The following CALCR variants were observed in gnomAD, a reference collection of about 807,000 sequenced individuals.
CALCR encodes calcitonin receptor.
Under a neutral mutation model 59.5 loss-of-function variants are expected in CALCR, and 47 were observed. That is an observed-to-expected ratio of 0.79 (90% CI 0.63 to 1.01). The LOEUF (loss-of-function observed/expected upper bound fraction) is 1.01. CALCR is among the 50% of genes least tolerant of loss of function. The pLI is 0.00. For synonymous variants in CALCR, 213 were observed against 211.3 expected (o/e 1.01, Z -0.07); for missense variants, 566 against 597.1 (o/e 0.95, Z 0.54).
At chr7:93,496,848 C>A (rs533859843) in intron 2 of CALCR, among the ~76,000 whole-genome samples, 1 of 151,714 alleles carries the variant, frequency 6.6e-6, no homozygotes, top group Admixed American at 6.6e-5. Flanking sequence ...AGTGAATAAG[C>A]AAATGAATTT....
chr7:93,460,593 G>GTGTATATATATATATATATATATATA (rs1296016997), intron 8 of CALCR, among the ~76,000 whole-genome samples: 5 of 89,358 alleles, frequency 5.6e-5, no homozygotes, highest in African/African-American at 2.7e-4. Context: ...ATATATATAT[G>GTGTATATATATATATATATATATATA]TATATATATA....
At chr7:93,506,352 A>G (rs1466781472) in intron 2 of CALCR, among the ~76,000 whole-genome samples, 2 of 152,156 alleles carry the variant, frequency 1.3e-5, no homozygotes, top group Admixed American at 6.5e-5. Context: ...GACCAATTTC[A>G]TGGTTTCTCA....
At chr7:93,564,170 C>T (rs1427585421) in intron 2 of CALCR, among the ~76,000 whole-genome samples, 1 of 151,922 alleles carries the variant, frequency 6.6e-6, no homozygotes, top group South Asian at 2.1e-4. Context: ...AGATTATATT[C>T]CAATCAGTGC....
At chr7:93,486,850 C>G in intron 3 of CALCR, 81 bp downstream of exon 3, 1 of 881,382 alleles carries the variant, frequency 1.1e-6, no homozygotes, top group Non-Finnish European at 1.9e-6. Context: ...CTTGCAAATA[C>G]TAATTAAATC....
chr7:93,572,490 C>T (rs1024023340), intron 2 of CALCR, among the ~76,000 whole-genome samples: 1 of 152,218 alleles, frequency 6.6e-6, no homozygotes, highest in African/African-American at 2.4e-5. Flanking sequence ...ATTTGCAGCC[C>T]GAGTTGAGAA....
intron 2 of CALCR, among the ~76,000 whole-genome samples, chr7:93,510,020 GAT>G (rs1246959743): frequency 1.4e-5 from 2 of 147,676 alleles, no homozygotes; most frequent in Non-Finnish European, 3.0e-5. Flanking sequence ...GATTTGGAGT[GAT>G]CTATATCTTT....
intron 2 of CALCR, among the ~76,000 whole-genome samples, chr7:93,508,173 G>A (rs1401950374): frequency 3.9e-5 from 6 of 152,134 alleles, no homozygotes; most frequent in Non-Finnish European, 8.8e-5. Flanking sequence ...AGAAAAATAA[G>A]TGTGCACTTA....
chr7:93,549,490 C>T (rs12154667), intron 2 of CALCR, among the ~76,000 whole-genome samples: 57,799 of 151,876 alleles, frequency 0.38, 12,138 homozygotes, highest in Non-Finnish European at 0.48. Context: ...TAGGAAGTTG[C>T]TGTTAAATAA....
chr7:93,478,636 A>AATATATATATAT (rs10543619), intron 4 of CALCR, among the ~76,000 whole-genome samples: 1 of 147,476 alleles, frequency 6.8e-6, no homozygotes, highest in African/African-American at 2.5e-5. Context: ...CCCTGTCTTA[A>AATATATATATAT]ATATATATAT....
intron 2 of CALCR, among the ~76,000 whole-genome samples, chr7:93,534,045 T>A: frequency 6.6e-6 from 1 of 151,720 alleles, no homozygotes; most frequent in East Asian, 1.9e-4. Flanking sequence ...ATTTTGAAAA[T>A]ACCACTATAA....
At chr7:93,559,068 C>CAAA (rs141070728) in intron 2 of CALCR, among the ~76,000 whole-genome samples, 5 of 151,616 alleles carry the variant, frequency 3.3e-5, no homozygotes, top group Non-Finnish European at 7.4e-5. Context: ...ATAACAACAA[C>CAAA]AAAAAAAATT....
chr7:93,475,177 T>G (rs1057362337), intron 5 of CALCR, among the ~76,000 whole-genome samples: 2 of 151,768 alleles, frequency 1.3e-5, no homozygotes, highest in African/African-American at 4.8e-5. Context: ...AAACTGCAGG[T>G]TATAGAGTTA....
intron 3 of CALCR, among the ~76,000 whole-genome samples, chr7:93,480,730 T>G (rs1271222884): frequency 2.0e-5 from 3 of 151,508 alleles, no homozygotes; most frequent in African/African-American, 7.3e-5. Flanking sequence ...TTGGAGAGAG[T>G]AGGGAGCAAA....
intron 2 of CALCR, among the ~76,000 whole-genome samples, chr7:93,546,651 A>G (rs1388124413): frequency 1.3e-5 from 2 of 151,518 alleles, no homozygotes; most frequent in African/African-American, 4.9e-5. Context: ...TTTCTGGCTC[A>G]AGTGATCCTC....
chr7:93,475,892 T>C (rs1341901947), intron 5 of CALCR, among the ~76,000 whole-genome samples: 1 of 151,808 alleles, frequency 6.6e-6, no homozygotes, highest in Non-Finnish European at 1.5e-5. Context: ...ACTCTCCACA[T>C]GTGCTTTGAT....
intron 9 of CALCR, among the ~76,000 whole-genome samples, chr7:93,438,652 G>C (rs1382047031): frequency 6.6e-6 from 1 of 152,160 alleles, no homozygotes; most frequent in Non-Finnish European, 1.5e-5. Flanking sequence ...GGTCACCCCG[G>C]AGGGATGTGA....
intron 9 of CALCR, 53 bp downstream of exon 9, chr7:93,443,551 G>C: frequency 6.5e-7 from 1 of 1,536,404 alleles, no homozygotes; most frequent in Admixed American, 1.8e-5. Context: ...AAGACTGAAA[G>C]CATACAGACA....
chr7:93,488,582 G>GAAAAAAAAAAAAA (rs1554401502), intron 2 of CALCR, among the ~76,000 whole-genome samples: 3 of 78,014 alleles, frequency 3.8e-5, no homozygotes, highest in African/African-American at 5.0e-5. Context: ...CAAATGGAAA[G>GAAAAAAAAAAAAA]AAAAAAAAAA....
At chr7:93,478,605 G>A (rs6465382) in intron 4 of CALCR, among the ~76,000 whole-genome samples, 11 of 150,450 alleles carry the variant, frequency 7.3e-5, no homozygotes, top group Non-Finnish European at 1.5e-4. Context: ...TGGGAGGATC[G>A]TCCTGGGCGA....
Sources: gnomAD v4.1 joint callset for allele counts (sites outside exome capture counted in the v4.1 genomes callset) on GRCh38, gnomAD v4.1.1 for gene constraint, MANE v1.5 for transcripts, NCBI Gene and HGNC (gene_info 2026-07-23, HGNC 2026-07-21) for gene names.